Variants in CLYBL observed in about 807,000 individuals in gnomAD.
CLYBL encodes the protein citramalyl-CoA lyase, also known as citramalyl-CoA lyase, mitochondrial.
Under a neutral mutation model 38.9 loss-of-function variants are expected in CLYBL, and 31 were observed. That is an observed-to-expected ratio of 0.80 (90% CI 0.60 to 1.08). CLYBL has a LOEUF of 1.08. CLYBL is among the 50% of genes least tolerant of loss of function. The pLI is 0.00. For synonymous variants in CLYBL, 171 were observed against 158.6 expected (o/e 1.08, Z -0.59); for missense variants, 434 against 411.6 (o/e 1.05, Z -0.47).
chr13:99,819,421 TATATATATATATATA>T (rs1566340057), intron 2 of CLYBL, among the ~76,000 whole-genome samples: 584 of 10,086 alleles, frequency 0.058, 16 homozygotes, highest in African/African-American at 0.24. Context: ...AAAATTTATA[TATATATATATATATA>T]TATATATATA....
intron 2 of CLYBL, among the ~76,000 whole-genome samples, chr13:99,804,056 G>A (rs887821249): frequency 5.9e-5 from 9 of 152,246 alleles, no homozygotes; most frequent in South Asian, 2.1e-4. Flanking sequence ...AGAAAAGGGA[G>A]TGGAATCGTT....
chr13:99,870,973 G>T lies in CLYBL; in HGVS notation c.838G>T (p.Val280Phe). ...QVIHPNQIAV[V>F]QEQFSPSPEK... ...GATTCACCCTAACCAAATTGCCGTG[G>T]TCCAGGAGCAGTTTTCTCCTTCCCC... Residue 280 changes from valine (V) to phenylalanine (F), a missense_variant, in exon 7 of 9, where the codon GTC (valine) becomes TTC (phenylalanine). Transcript: ENST00000339105. The T allele has an allele frequency of 6.2e-7, 1 of 1,613,706 alleles. No homozygotes were observed. Among genetic ancestry groups the T allele is most frequent in the Non-Finnish European group, 8.5e-7 (1 of 1,179,794 alleles).
intron 2 of CLYBL, among the ~76,000 whole-genome samples, chr13:99,831,175 C>A (rs1000354223): frequency 6.6e-6 from 1 of 152,184 alleles, no homozygotes; most frequent in Non-Finnish European, 1.5e-5. Context: ...AGAGGGACTG[C>A]GCCCTGCACA....
At chr13:99,873,605 G>A (rs7335739) in intron 7 of CLYBL, among the ~76,000 whole-genome samples, 2 of 152,034 alleles carry the variant, frequency 1.3e-5, no homozygotes, top group East Asian at 3.9e-4. Context: ...TTGCTTTTCT[G>A]CACTTCTTCC....
chr13:99,836,393 G>C lies in CLYBL; in HGVS notation c.250-22468G>C, dbSNP rs193230491. 3.0e-3 allele frequency among the ~76,000 whole-genome samples: 461 copies of C among 152,334 alleles called. 1 individual carries two copies. Among genetic ancestry groups the C allele is most frequent in the African/African-American group, 0.011 (444 of 41,582 alleles). On this transcript the variant is annotated intron_variant, in intron 2 of 8. Transcript: ENST00000339105. ...AGCACACAGAGTGGACAGTGTTCCA[G>C]GGAGTGGCTGCTTATGTGAGGGAAT...
chr13:99,615,373 C>T (rs377452570), intron 1 of CLYBL, among the ~76,000 whole-genome samples: 25 of 152,262 alleles, frequency 1.6e-4, no homozygotes, highest in African/African-American at 5.8e-4. Context: ...TAAGAAGGCT[C>T]GGAAAAGCAA....
At chr13:99,850,553 T>C (rs981609386) in intron 2 of CLYBL, among the ~76,000 whole-genome samples, 1 of 152,186 alleles carries the variant, frequency 6.6e-6, no homozygotes, top group African/African-American at 2.4e-5. Context: ...TGGAGAAATA[T>C]GAATCCTGGT....
intron 1 of CLYBL, among the ~76,000 whole-genome samples, chr13:99,737,823 A>G (rs182341091): frequency 2.5e-3 from 377 of 152,340 alleles, no homozygotes; most frequent in Non-Finnish European, 4.2e-3. Flanking sequence ...AAACTGCACC[A>G]CAGTGAAGTC....
chr13:99,718,889 CTGG>C (rs2048355774), intron 1 of CLYBL, among the ~76,000 whole-genome samples: 1 of 152,086 alleles, frequency 6.6e-6, no homozygotes, highest in South Asian at 2.1e-4. Flanking sequence ...GTTGCCCAGG[CTGG>C]AGTGCAGTGG....
At chr13:99,824,971 G>A (rs566641749) in intron 2 of CLYBL, among the ~76,000 whole-genome samples, 3 of 152,278 alleles carry the variant, frequency 2.0e-5, no homozygotes, top group South Asian at 2.1e-4. Flanking sequence ...TTGGGCAGAG[G>A]CCTCCCACTG....
chr13:99,684,713 T>TATGCA (rs1458837152), intron 1 of CLYBL, among the ~76,000 whole-genome samples: 1 of 152,212 alleles, frequency 6.6e-6, no homozygotes, highest in Non-Finnish European at 1.5e-5. Flanking sequence ...GATGATGCAG[T>TATGCA]GAACATAATG....
chr13:99,790,295 A>G lies in CLYBL; in HGVS notation c.249+17285A>G, dbSNP rs149904142. Among the ~76,000 whole-genome samples the G allele has an allele frequency of 6.3e-3, 955 of 152,242 alleles. 32 individuals are homozygous for G. The highest frequency in any genetic ancestry group is 0.032 in the East Asian group (168 of 5,184). ...TTGATGCAGTTTCTTCCTAGCCTCA[A>G]TGGTCTTTACAATTTGTCATGTTTT... On this transcript the variant is annotated intron_variant, in intron 2 of 8. Coordinates refer to ENST00000339105, the MANE Select transcript of CLYBL (RefSeq NM_206808.5).
At chr13:99,675,192 C>T (rs1463680481) in intron 1 of CLYBL, among the ~76,000 whole-genome samples, 3 of 152,072 alleles carry the variant, frequency 2.0e-5, no homozygotes, top group African/African-American at 7.2e-5. Flanking sequence ...TAAATGAAAC[C>T]GTATTTGGAG....
chr13:99,611,080 T>C (rs2139171375), intron 1 of CLYBL, among the ~76,000 whole-genome samples: 1 of 152,322 alleles, frequency 6.6e-6, no homozygotes, highest in Non-Finnish European at 1.5e-5. Context: ...TGGTTTTCAC[T>C]GTGATGGGGG....
chr13:99,799,595 G>A (rs1021039005), intron 2 of CLYBL, among the ~76,000 whole-genome samples: 3 of 144,730 alleles, frequency 2.1e-5, no homozygotes, highest in Non-Finnish European at 3.0e-5. Context: ...TAATTGCATG[G>A]GCATCAATCA....
At chr13:99,607,170 G>C (rs1037992098) in intron 1 of CLYBL, among the ~76,000 whole-genome samples, 1 of 150,734 alleles carries the variant, frequency 6.6e-6, no homozygotes. Context: ...AATAATTTGA[G>C]GACCCCCCAA....
At chr13:99,791,580 C>T (rs909880514) in intron 2 of CLYBL, among the ~76,000 whole-genome samples, 2 of 152,164 alleles carry the variant, frequency 1.3e-5, no homozygotes, top group Non-Finnish European at 2.9e-5. Context: ...ATTAATTCCA[C>T]ATCTTTGTAC....
At chr13:99,850,050 G>A (rs1487147103) in intron 2 of CLYBL, among the ~76,000 whole-genome samples, 1 of 152,150 alleles carries the variant, frequency 6.6e-6, no homozygotes, top group Non-Finnish European at 1.5e-5. Context: ...AACTCCTAGA[G>A]AAAGACATAG....
intron 2 of CLYBL, among the ~76,000 whole-genome samples, chr13:99,847,506 C>T (rs975015628): frequency 1.3e-5 from 2 of 152,166 alleles, no homozygotes; most frequent in African/African-American, 4.8e-5. Context: ...TACTTTGTAC[C>T]AGTCGGTTGG....
Sources: allele counts gnomAD v4.1 joint callset (sites outside exome capture counted in the v4.1 genomes callset), GRCh38; gene constraint gnomAD v4.1.1; transcripts MANE v1.5; gene names NCBI Gene and HGNC (gene_info 2026-07-23, HGNC 2026-07-21).